Variants in GOLGB1 observed in about 807,000 individuals in gnomAD.
GOLGB1 encodes golgin subfamily B member 1.
GOLGB1 carries 174 observed loss-of-function variants against 336.9 expected under a neutral mutation model. The observed-to-expected ratio is 0.52, with a 90% CI of 0.46 to 0.59. GOLGB1 has a LOEUF of 0.59. GOLGB1 is among the 20% of genes least tolerant of loss of function. The pLI is 0.00. For missense variants in GOLGB1, 3,331 were observed against 3,645.3 expected, an observed-to-expected ratio of 0.91 and a Z score of 2.22; for synonymous variants, 1,208 against 1,289.2, an observed-to-expected ratio of 0.94 and a Z score of 1.35.
Position 121,727,289 on chromosome 3 carries a change from C to CATATAT in GOLGB1, c.403-249_403-248insATATAT, listed in dbSNP as rs1216701208. Among the ~76,000 whole-genome samples, 32 of 44,334 alleles carry CATATAT rather than the reference C, an allele frequency of 7.2e-4. No homozygotes were observed. In the East Asian group the frequency reaches 7.7e-3, roughly 11 times the overall value. 29.1% of individuals were successfully genotyped at this position (44,334 alleles called of 152,430 possible). A position where few individuals can be genotyped will look rare whatever the true frequency, so the allele number is the denominator to read the frequency against. On this transcript the variant is annotated intron_variant, in intron 4 of 21. Coordinates refer to ENST00000614479, the MANE Select transcript of GOLGB1 (RefSeq NM_001366282.2). ...ATAAACTGTGAAATACATACACACACACACATATATATATATATATATATA... is the reference window on the plus strand; with the variant it reads ...ATAAACTGTGAAATACATACACACACATATATACACATATATATATATATATATATA...
intron 5 of GOLGB1, 36 bp downstream of exon 5, chr3:121,726,877 T>C (rs2108250751): frequency 2.0e-6 from 3 of 1,496,094 alleles, no homozygotes; most frequent in Non-Finnish European, 2.7e-6. Context: ...TAGTGATTCA[T>C]TAACCTAATG....
intron 18 of GOLGB1, 66 bp from the exon 19 acceptor site, chr3:121,668,224 T>C: frequency 1.1e-6 from 1 of 903,634 alleles, no homozygotes; most frequent in South Asian, 1.5e-5. Context: ...TTGAGCAAAA[T>C]GAGAGCTCGT....
At chr3:121,739,320 G>GA (rs1560334063) in intron 1 of GOLGB1, among the ~76,000 whole-genome samples, 1 of 151,142 alleles carries the variant, frequency 6.6e-6, no homozygotes, top group African/African-American at 2.4e-5. Flanking sequence ...ATTACTAGAA[G>GA]AAAAAAAAGG....
chr3:121,721,657 T>C (rs926186334), intron 6 of GOLGB1, among the ~76,000 whole-genome samples: 6 of 151,966 alleles, frequency 3.9e-5, no homozygotes, highest in African/African-American at 1.4e-4. Context: ...TGGGAGTGCG[T>C]GGCCAACCAA....
chr3:121,702,573 G>T lies in GOLGB1; in HGVS notation c.1427C>A (p.Ala476Asp), dbSNP rs763007236. ...GTQAVTEENI[A>D]SLQKRVVELE... ...TTCTACCACTCTCTTCTGCAAAGAA[G>T]CAATATTCTCCTCAGTGACTGCCTA... Residue 476 changes from alanine to aspartate, a missense_variant, in exon 11 of 22, where the codon GCT (alanine) becomes GAT (aspartate). Ala to Asp is a moderately radical substitution (Grantham distance 126, BLOSUM62 -2). Coordinates refer to ENST00000614479, the MANE Select transcript of GOLGB1 (RefSeq NM_001366282.2). 2 of 1,516,834 alleles carry T rather than the reference G, an allele frequency of 1.3e-6. No homozygotes were observed. The highest frequency in any genetic ancestry group is 4.2e-5 in the Admixed American group (2 of 47,288). 94.0% of individuals were successfully genotyped at this position (1,516,834 alleles called of 1,614,324 possible). A position where few individuals can be genotyped will look rare whatever the true frequency, so the allele number is the denominator to read the frequency against.
At chr3:121,742,361 T>C (rs959795785) in intron 1 of GOLGB1, among the ~76,000 whole-genome samples, 5 of 152,086 alleles carry the variant, frequency 3.3e-5, no homozygotes, top group Non-Finnish European at 5.9e-5. Context: ...AAACAAGAAA[T>C]GGGGAAAGGA....
intron 1 of GOLGB1, among the ~76,000 whole-genome samples, chr3:121,746,859 G>A (rs1450842668): frequency 6.6e-6 from 1 of 151,982 alleles, no homozygotes; most frequent in Admixed American, 6.6e-5. Flanking sequence ...AACTAAGGCA[G>A]AGGGATGTTA....
chr3:121,721,626 C>A (rs1023755220), intron 6 of GOLGB1, among the ~76,000 whole-genome samples: 15 of 151,922 alleles, frequency 9.9e-5, no homozygotes, highest in African/African-American at 3.6e-4. Context: ...AGAGTGAGAC[C>A]CAATTTCAAA....
chr3:121,749,368 G>A (rs762138049), intron 1 of GOLGB1, among the ~76,000 whole-genome samples: 30 of 152,226 alleles, frequency 2.0e-4, no homozygotes, highest in Non-Finnish European at 3.8e-4. Flanking sequence ...TACCGGGGAG[G>A]GGACAGACCG....
In GOLGB1 at chr3:121,702,526, A is replaced by T; in HGVS notation, c.1474T>A (p.Leu492Met). The T allele has an allele frequency of 6.4e-7, 1 of 1,551,978 alleles. No individual in the cohort carries two copies. Among genetic ancestry groups the T allele is most frequent in the South Asian group, 1.2e-5 (1 of 81,840 alleles). Residue 492 changes from leucine to methionine, a missense_variant, in exon 11 of 22, where the codon TTG becomes ATG. Transcript: ENST00000614479. ...VVELENEKGA[L>M]LLSSIELEEL... ...TCCAGCTCTATAGAACTAAGGAGCAAGGCTCCCTTTTCATTCTCTAGTTCT... is the reference window on the plus strand; with the variant it reads ...TCCAGCTCTATAGAACTAAGGAGCATGGCTCCCTTTTCATTCTCTAGTTCT...
chr3:121,670,765 G>GT (rs1044039473), intron 17 of GOLGB1, among the ~76,000 whole-genome samples: 1 of 147,722 alleles, frequency 6.8e-6, no homozygotes, highest in East Asian at 2.1e-4. Flanking sequence ...TGGGGGGGGG[G>GT]GTGTGGGAGG....
Position 121,729,180 on chromosome 3 carries a change from C to A in GOLGB1, c.402+8G>T. 2 of 1,598,060 alleles carry A rather than the reference C, an allele frequency of 1.3e-6. No homozygotes were observed. The highest frequency in any genetic ancestry group is 2.3e-5 in the South Asian group (2 of 88,118). ...TTAGGAAATATACACTACACCCAGT[C>A]ACCATACCTTGGAAAGTTGCTCCTC... On this transcript the variant is annotated splice_region_variant and intron_variant, in intron 4 of 21. Transcript: ENST00000614479.
chr3:121,696,597 A>T lies in GOLGB1; in HGVS notation c.3926T>A (p.Val1309Asp), dbSNP rs1024152296. 1 of 1,614,154 alleles carries T rather than the reference A, an allele frequency of 6.2e-7. No individual in the cohort carries two copies. The highest frequency in any genetic ancestry group is 8.5e-7 in the Non-Finnish European group (1 of 1,180,006). The change falls in exon 13 of 22, where the codon GTT becomes GAT. Residue 1309 changes from valine to aspartate, a missense_variant. By Grantham distance (152) the Val-to-Asp change is radical. Coordinates refer to ENST00000614479, the MANE Select transcript of GOLGB1 (RefSeq NM_001366282.2). ...CTTCAGCTGGGCCTTAATCTGGGCA[A>T]CAGAAGTTCCGCCCTGCAGAGCACT... Reference protein sequence around the residue: ...DASALQGGTSVAQIKAQLKEI... With the variant: ...DASALQGGTSDAQIKAQLKEI...
At chr3:121,687,268 C>T (rs1490877708) in intron 14 of GOLGB1, among the ~76,000 whole-genome samples, 1 of 152,028 alleles carries the variant, frequency 6.6e-6, no homozygotes, top group Non-Finnish European at 1.5e-5. Flanking sequence ...TCTCAAAAAA[C>T]AAACAAACAA....
At chr3:121,747,397 AT>A (rs1947436917) in intron 1 of GOLGB1, among the ~76,000 whole-genome samples, 1 of 145,938 alleles carries the variant, frequency 6.9e-6, no homozygotes, top group Admixed American at 6.9e-5. Context: ...ATATATATAC[AT>A]ATATACGTAT....
chr3:121,696,777 ATGGATTCCCTTACT>A lies in GOLGB1; in HGVS notation c.3732_3745del (p.Gln1244HisfsTer50). 6.2e-7 allele frequency: 1 copy of A among 1,614,084 alleles called. No homozygotes were observed. The highest frequency in any genetic ancestry group is 8.5e-7 in the Non-Finnish European group (1 of 1,179,970). ...GTCTGTGCTTGGGAGTTTTCCGTCT[ATGGATTCCCTTACT>A]TGAATCTGGAGTTGCCTTAGCTGGT... On this transcript the variant is annotated frameshift_variant, in exon 13 of 22. Coordinates refer to ENST00000614479, the MANE Select transcript of GOLGB1 (RefSeq NM_001366282.2). LOFTEE classifies it high-confidence loss of function.
intron 4 of GOLGB1, 120 bp downstream of exon 4, chr3:121,729,068 A>G (rs563922641): frequency 3.0e-6 from 2 of 661,892 alleles, no homozygotes; most frequent in Admixed American, 6.0e-5. Context: ...AAAAAAAAAA[A>G]CAAAACATTA....
intron 1 of GOLGB1, among the ~76,000 whole-genome samples, chr3:121,748,556 T>C (rs1947531927): frequency 6.6e-6 from 1 of 152,232 alleles, no homozygotes. Flanking sequence ...AACTTTTTCC[T>C]GCATCTATTC....
At chr3:121,670,333 C>CT (rs1939314612) in intron 17 of GOLGB1, among the ~76,000 whole-genome samples, 1 of 152,028 alleles carries the variant, frequency 6.6e-6, no homozygotes, top group Non-Finnish European at 1.5e-5. Context: ...CTTGATGATT[C>CT]TTTTTTGTAA....
Sources: allele counts gnomAD v4.1 joint callset (sites outside exome capture counted in the v4.1 genomes callset), GRCh38; gene constraint gnomAD v4.1.1; transcripts MANE v1.5; gene names NCBI Gene and HGNC (gene_info 2026-07-23, HGNC 2026-07-21).